PAX9: variants seen among roughly 807,000 people sequenced by gnomAD.
PAX9 encodes the protein paired box 9.
Under a neutral mutation model 29.1 loss-of-function variants are expected in PAX9, and 6 were observed. The observed-to-expected ratio is 0.21, with a 90% CI of 0.11 to 0.41. PAX9 has a LOEUF of 0.41. Ranked by LOEUF, PAX9 falls within the 10% of genes least tolerant of loss-of-function variation. The pLI is 1.00. For missense variants in PAX9, 443 were observed against 479.1 expected (o/e 0.92, Z 0.70); for synonymous variants, 217 against 211.7 (o/e 1.03, Z -0.22).
At chr14:36,659,399 G>A (rs1395032475), upstream of PAX9, among the ~76,000 whole-genome samples, 1 of 152,200 alleles carries the variant, frequency 6.6e-6, no homozygotes, top group Non-Finnish European at 1.5e-5. Flanking sequence ...CACTCGGTCC[G>A]CGCCCCGGGA....
chr14:36,676,364 A>G lies in PAX9; in HGVS notation c.938A>G (p.His313Arg), dbSNP rs1881889428. The change falls in exon 4 of 4, where the codon CAC becomes CGC. Residue 313 changes from histidine to arginine, a missense_variant. Physicochemically the swap from His to Arg is conservative, Grantham distance 29. This residue lies in a region of PAX9 where 336 missense variants were observed against 317.2 expected (regional missense o/e 1.06). Transcript: ENST00000361487. ...GCTGGGGGCACCTCATTGTCTCCCC[A>G]CAACTGTGACATTCCGGCATCGCTG... ...QHAGGTSLSPHNCDIPASLAF... is the reference protein window; with the variant it reads ...QHAGGTSLSPRNCDIPASLAF... 3 of 1,614,104 alleles carry G rather than the reference A, an allele frequency of 1.9e-6. No individual in the cohort carries two copies. Among genetic ancestry groups the G allele is most frequent in the Non-Finnish European group, 2.5e-6 (3 of 1,180,014 alleles).
chr14:36,661,815 G>C, upstream of PAX9: 1 of 548,994 alleles, frequency 1.8e-6, no homozygotes, highest in East Asian at 3.3e-5. Context: ...CCCCTTTTAG[G>C]GCGTGTCCCC....
chr14:36,670,504 GA>G, intron 3 of PAX9, among the ~76,000 whole-genome samples: 1 of 152,114 alleles, frequency 6.6e-6, no homozygotes, highest in Admixed American at 6.5e-5. Flanking sequence ...TGTCCTTGTG[GA>G]TGTACTATTC....
intron 3 of PAX9, among the ~76,000 whole-genome samples, chr14:36,673,125 C>T (rs1394669578): frequency 6.6e-6 from 1 of 151,844 alleles, no homozygotes; most frequent in Non-Finnish European, 1.5e-5. Flanking sequence ...CTCAGCCTGC[C>T]AAAGTGCTGG....
intron 2 of PAX9, 143 bp downstream of exon 2, chr14:36,663,666 G>A: frequency 9.5e-7 from 1 of 1,057,862 alleles, no homozygotes; most frequent in Non-Finnish European, 1.4e-6. Flanking sequence ...AGTCTTCCTA[G>A]GGGGTGTTCT....
intron 3 of PAX9, among the ~76,000 whole-genome samples, chr14:36,673,415 A>C (rs1881767494): frequency 6.6e-6 from 1 of 152,148 alleles, no homozygotes; most frequent in Non-Finnish European, 1.5e-5. Flanking sequence ...TCATGGAATA[A>C]ATAAGGCACT....
In PAX9 at chr14:36,666,531, C is replaced by T. The variant is rs1199249859; in HGVS notation, c.701C>T (p.Pro234Leu). The T allele has an allele frequency of 3.8e-6, 6 of 1,596,406 alleles. No homozygotes were observed. Among genetic ancestry groups the T allele is most frequent in the Admixed American group, 1.7e-5 (1 of 58,034 alleles). Residue 234 changes from proline (P) to leucine (L), a missense_variant, in exon 3 of 4, where the codon CCC (proline) becomes CTC (leucine). Around this residue, in one of 2 missense-constraint regions of PAX9, gnomAD observed 336 missense variants for 317.2 expected, o/e 1.06. Coordinates refer to ENST00000361487, the MANE Select transcript of PAX9 (RefSeq NM_001372076.1). The stretch of plus-strand genomic sequence containing the variant: ...AGCAGCCTGGGCCGCAACAACTTCC[C>T]CGCCGCCGCCCCGCACGCGGTGAAC... Reference protein sequence around the residue: ...EWSSLGRNNFPAAAPHAVNGL... With the variant: ...EWSSLGRNNFLAAAPHAVNGL...
At position 36,662,922 on chromosome 14, in the gene PAX9, G is replaced by C. The variant is rs146561842; in HGVS notation, c.30G>C (p.Gln10His). 6.2e-7 allele frequency: 1 copy of C among 1,612,586 alleles called. No homozygotes were observed. The part of the protein sequence containing the change: MEPAFGEVN[Q>H]LGGVFVNGRP... ...AGCCAGCCTTCGGGGAGGTGAACCA[G>C]CTGGGAGGAGTGTTCGTGAACGGGA... The change falls in exon 2 of 4, where the codon CAG becomes CAC. Residue 10 changes from glutamine to histidine, a missense_variant. Around this residue, in one of 2 missense-constraint regions of PAX9, gnomAD observed 107 missense variants for 161.9 expected, o/e 0.66. Transcript: ENST00000361487.
intron 3 of PAX9, among the ~76,000 whole-genome samples, chr14:36,673,904 G>T (rs1395858201): frequency 6.6e-6 from 1 of 152,056 alleles, no homozygotes; most frequent in Non-Finnish European, 1.5e-5. Context: ...ATTATTCTTA[G>T]TTCACATTGG....
At chr14:36,664,426 T>C (rs1881411377) in intron 2 of PAX9, among the ~76,000 whole-genome samples, 2 of 152,308 alleles carry the variant, frequency 1.3e-5, no homozygotes, top group South Asian at 4.1e-4. Flanking sequence ...TTTTAAGCAG[T>C]GCCACCCCAC....
At chr14:36,665,731 G>C (rs1042097287) in intron 2 of PAX9, among the ~76,000 whole-genome samples, 1 of 151,860 alleles carries the variant, frequency 6.6e-6, no homozygotes, top group Non-Finnish European at 1.5e-5. Flanking sequence ...AACTCTTTCA[G>C]GAAAACCCTG....
In PAX9 at chr14:36,676,182, T is replaced by A. The variant is rs1881880474; in HGVS notation, c.772-16T>A. The A allele has an allele frequency of 1.9e-6, 3 of 1,613,922 alleles. No homozygotes were observed. The highest frequency in any genetic ancestry group is 2.2e-5 in the South Asian group (2 of 91,084). ...TATAATGTGATTATTTTTCACTTCT[T>A]TTCTACTCCTCTCAGGCACCAAATG... On this transcript the variant is annotated splice_polypyrimidine_tract_variant and intron_variant, in intron 3 of 3. Coordinates refer to ENST00000361487, the MANE Select transcript of PAX9 (RefSeq NM_001372076.1).
intron 3 of PAX9, among the ~76,000 whole-genome samples, chr14:36,675,052 A>T (rs1222757855): frequency 6.6e-6 from 1 of 152,246 alleles, no homozygotes; most frequent in Non-Finnish European, 1.5e-5. Flanking sequence ...TACCTAGCTA[A>T]CATACATCTG....
At chr14:36,666,399 C>T in intron 2 of PAX9, 63 bp from the exon 3 acceptor site, 1 of 1,576,028 alleles carries the variant, frequency 6.3e-7, no homozygotes, top group South Asian at 1.2e-5. Flanking sequence ...GTTTGGGTCC[C>T]GTCTCAAGAG....
In PAX9 at chr14:36,663,328, C is replaced by G. The variant is rs765791266; in HGVS notation, c.436C>G (p.His146Asp). 1 of 1,614,140 alleles carries G rather than the reference C, an allele frequency of 6.2e-7. No homozygotes were observed. The highest frequency in any genetic ancestry group is 1.1e-5 in the South Asian group (1 of 91,088). The change falls in exon 2 of 4, where the codon CAC (histidine) becomes GAC (aspartate). Residue 146 changes from histidine to aspartate, a missense_variant. Coordinates refer to ENST00000361487, the MANE Select transcript of PAX9 (RefSeq NM_001372076.1). ...GGGTCATTACGACTCATACAAGCAG[C>G]ACCAGCCGACGCCGCAGCCAGCGCT... The part of the protein sequence containing the change: ...QQGHYDSYKQ[H>D]QPTPQPALPY...
Position 36,676,565 on chromosome 14 carries a change from A to G in PAX9, c.*113A>G, listed in dbSNP as rs1036654489. On this transcript the variant is annotated 3_prime_UTR_variant, in exon 4 of 4. Coordinates refer to ENST00000361487, the MANE Select transcript of PAX9 (RefSeq NM_001372076.1). ...CCTGCCCTCCAACCCTTCTGCCTTG[A>G]AAGCTGGCTGTACGGACTCACATCC... 3.2e-6 allele frequency: 4 copies of G among 1,254,694 alleles called. No individual in the cohort carries two copies. Among genetic ancestry groups the G allele is most frequent in the African/African-American group, 1.5e-5 (1 of 67,848 alleles). The allele number at this position is 1,254,694 out of a possible 1,614,324, so 77.7% of individuals were successfully genotyped here. A position where few individuals can be genotyped will look rare whatever the true frequency, so the allele number is the denominator to read the frequency against.
chr14:36,674,261 G>C (rs575467319), intron 3 of PAX9, among the ~76,000 whole-genome samples: 4 of 152,152 alleles, frequency 2.6e-5, no homozygotes, highest in African/African-American at 9.7e-5. Flanking sequence ...GGAGAGAAAA[G>C]AATTTGTTAC....
chr14:36,663,045 C>A lies in PAX9; in HGVS notation c.153C>A (p.Gly51=). 1 of 1,613,852 alleles carries A rather than the reference C, an allele frequency of 6.2e-7. No individual in the cohort carries two copies. ...GCCGCCAGCTACGGGTCTCGCACGGCTGCGTCAGCAAGATCCTGGCGCGAT... is the reference window on the plus strand; with the variant it reads ...GCCGCCAGCTACGGGTCTCGCACGGATGCGTCAGCAAGATCCTGGCGCGAT... ...DISRQLRVSH[G]CVSKILARYN... The change falls in exon 2 of 4, where the codon GGC becomes GGA. Residue 51 remains glycine (G), a synonymous_variant. Transcript: ENST00000361487.
chr14:36,671,094 G>A, intron 3 of PAX9: 3 of 434,978 alleles, frequency 6.9e-6, no homozygotes, highest in Non-Finnish European at 1.4e-5. Flanking sequence ...GAAATTCTAG[G>A]TGAAGCACAT....
Sources: allele counts gnomAD v4.1 joint callset (sites outside exome capture counted in the v4.1 genomes callset), GRCh38; gene constraint gnomAD v4.1.1; regional missense constraint gnomAD v4.1.1; transcripts MANE v1.5; gene names NCBI Gene and HGNC (gene_info 2026-07-23, HGNC 2026-07-21).